FOXP2: variants seen among roughly 807,000 people sequenced by gnomAD.
FOXP2 encodes forkhead box protein P2.
In FOXP2, 12 loss-of-function variants were observed where a neutral mutation model predicts 115.8. The observed-to-expected ratio is 0.10, with a 90% CI of 0.07 to 0.17. FOXP2 has a LOEUF of 0.17. Among genes scored for constraint, FOXP2 ranks in the 10% least tolerant of loss-of-function variants. The pLI is 1.00. For synonymous variants in FOXP2, 328 were observed against 297.7 expected, an observed-to-expected ratio of 1.10 and a Z score of -1.05; for missense variants, 629 against 843.5, an observed-to-expected ratio of 0.75 and a Z score of 3.15.
chr7:114,220,516 A>G (rs1584554977), intron 1 of FOXP2, among the ~76,000 whole-genome samples: 2 of 152,202 alleles, frequency 1.3e-5, no homozygotes, highest in East Asian at 3.8e-4. Flanking sequence ...ATTGACTTCA[A>G]ATAAACATCA....
chr7:114,528,655 A>G (rs931745350), intron 2 of FOXP2, among the ~76,000 whole-genome samples: 2 of 152,030 alleles, frequency 1.3e-5, no homozygotes, highest in Admixed American at 6.6e-5. Flanking sequence ...ATATTGTAGT[A>G]TAATTTAGTA....
chr7:114,455,611 C>T (rs567077424), intron 2 of FOXP2, among the ~76,000 whole-genome samples: 1 of 152,298 alleles, frequency 6.6e-6, no homozygotes, highest in Non-Finnish European at 1.5e-5. Context: ...CTACAACTTG[C>T]TATAGAAGTA....
At chr7:114,418,644 G>C (rs763819327) in intron 1 of FOXP2, among the ~76,000 whole-genome samples, 1 of 151,234 alleles carries the variant, frequency 6.6e-6, no homozygotes, top group Non-Finnish European at 1.5e-5. Flanking sequence ...GTGTTTTAAA[G>C]AACTTTCTGG....
intron 3 of FOXP2, among the ~76,000 whole-genome samples, chr7:114,600,175 G>T (rs1166411078): frequency 1.3e-5 from 2 of 152,036 alleles, no homozygotes; most frequent in African/African-American, 2.4e-5. Flanking sequence ...CCACCTTATT[G>T]TTCCATCTCT....
intron 1 of FOXP2, among the ~76,000 whole-genome samples, chr7:114,195,735 C>T (rs1213960806): frequency 1.3e-5 from 2 of 152,014 alleles, no homozygotes; most frequent in Admixed American, 6.6e-5. Flanking sequence ...TACATTTATT[C>T]CGTCCAGGAA....
At chr7:114,286,474 A>T (rs1033839084) in intron 1 of FOXP2, among the ~76,000 whole-genome samples, 17 of 152,044 alleles carry the variant, frequency 1.1e-4, no homozygotes, top group Non-Finnish European at 2.4e-4. Flanking sequence ...TGGCAAGGGA[A>T]AATAAGTCAA....
intron 3 of FOXP2, among the ~76,000 whole-genome samples, chr7:114,536,397 C>CTTTTTTTTT (rs3997242): frequency 1.2e-3 from 138 of 112,212 alleles, no homozygotes; most frequent in Non-Finnish European, 1.7e-3. Context: ...TTTTTCTTTT[C>CTTTTTTTTT]TTTTTTTTTT....
At chr7:114,554,154 C>T (rs1324479395) in intron 3 of FOXP2, among the ~76,000 whole-genome samples, 1 of 151,880 alleles carries the variant, frequency 6.6e-6, no homozygotes, top group East Asian at 1.9e-4. Flanking sequence ...AAATTTTTAC[C>T]ATTTTTAGGG....
intron 2 of FOXP2, among the ~76,000 whole-genome samples, chr7:114,442,330 T>C (rs940281150): frequency 6.7e-6 from 1 of 148,846 alleles, no homozygotes; most frequent in Non-Finnish European, 1.5e-5. Context: ...GAGCAGTATC[T>C]GCAAACGGGC....
intron 16 of FOXP2, among the ~76,000 whole-genome samples, chr7:114,672,847 C>A (rs574419641): frequency 6.6e-6 from 1 of 152,006 alleles, no homozygotes; most frequent in African/African-American, 2.4e-5. Context: ...GAGCCAGCAG[C>A]GGATGGGTAA....
intron 1 of FOXP2, among the ~76,000 whole-genome samples, chr7:114,263,817 A>C (rs1795821872): frequency 6.6e-6 from 1 of 151,338 alleles, no homozygotes; most frequent in African/African-American, 2.4e-5. Context: ...ACTGGTATAC[A>C]CTCTGTCGGC....
At chr7:114,213,518 A>G (rs1217377898) in intron 1 of FOXP2, among the ~76,000 whole-genome samples, 1 of 152,198 alleles carries the variant, frequency 6.6e-6, no homozygotes, top group African/African-American at 2.4e-5. Context: ...ATAATTTGTA[A>G]ACATATATAA....
chr7:114,284,730 T>G (rs903620478), intron 1 of FOXP2, among the ~76,000 whole-genome samples: 1 of 152,166 alleles, frequency 6.6e-6, no homozygotes, highest in African/African-American at 2.4e-5. Flanking sequence ...GGAATATAAA[T>G]TGTTCTGTCG....
At chr7:114,269,901 A>C (rs1584595303) in intron 1 of FOXP2, among the ~76,000 whole-genome samples, 1 of 152,306 alleles carries the variant, frequency 6.6e-6, no homozygotes, top group African/African-American at 2.4e-5. Flanking sequence ...GATTCTTCAA[A>C]CAAATATTTA....
intron 1 of FOXP2, among the ~76,000 whole-genome samples, chr7:114,111,947 CAGA>C (rs1454231038): frequency 1.3e-5 from 2 of 151,828 alleles, no homozygotes; most frequent in South Asian, 2.1e-4. Flanking sequence ...TTTATTCAAG[CAGA>C]AGAAGTTGTG....
rs543156975 is a variant in FOXP2, at chr7:114,394,881, G to A, written c.-10-31621G>A. Among the ~76,000 whole-genome samples the A allele has an allele frequency of 3.9e-5, 6 of 152,258 alleles. No individual in the cohort carries two copies. In the South Asian group the frequency reaches 6.2e-4, roughly 16 times the overall value. The stretch of plus-strand genomic sequence containing the variant: ...GTGTGATTCTGAACTGGATCCCTTC[G>A]CTAGAGAGGACATTATTAGGACAAG... On this transcript the variant is annotated intron_variant, in intron 2 of 17. Transcript: ENST00000634411.
At chr7:114,450,583 A>G (rs1355009465) in intron 2 of FOXP2, among the ~76,000 whole-genome samples, 1 of 152,110 alleles carries the variant, frequency 6.6e-6, no homozygotes, top group Non-Finnish European at 1.5e-5. Context: ...CACATTCAGA[A>G]AAGTTTCGGT....
intron 2 of FOXP2, among the ~76,000 whole-genome samples, chr7:114,301,914 T>C (rs951405120): frequency 6.6e-6 from 1 of 152,118 alleles, no homozygotes; most frequent in Non-Finnish European, 1.5e-5. Context: ...AGGCAGCTCA[T>C]TGAAGGTAAT....
rs556658538 is a variant in FOXP2 at position 114,281,071 on chromosome 7, AG to A, written c.-101-6947del. Among the ~76,000 whole-genome samples the A allele has an allele frequency of 5.2e-3, 790 of 151,370 alleles. 9 individuals carry two copies. Among genetic ancestry groups the A allele is most frequent in the African/African-American group, 0.018 (757 of 41,236 alleles). Reference sequence around the variant, plus strand: ...TTAGTAATTGCAATGACTGAAGGTGAGAAAGGCTTTTTATGCAATTTGAATT... The same window carrying A: ...TTAGTAATTGCAATGACTGAAGGTGAAAAGGCTTTTTATGCAATTTGAATT... On this transcript the variant is annotated intron_variant, in intron 1 of 17. Coordinates refer to the FOXP2 transcript ENST00000634411.
Sources: allele counts gnomAD v4.1 joint callset (sites outside exome capture counted in the v4.1 genomes callset), GRCh38; gene constraint gnomAD v4.1.1; transcripts MANE v1.5; gene names NCBI Gene and HGNC (gene_info 2026-07-23, HGNC 2026-07-21).